The following ENTHD1 variants were observed in gnomAD, a reference collection of about 807,000 sequenced individuals.
ENTHD1 encodes ENTH domain-containing protein 1.
A neutral mutation model predicts 39.1 loss-of-function variants in ENTHD1; 23 were observed. The ratio of observed to expected loss-of-function variants is 0.59; its 90% CI spans 0.42 to 0.83. ENTHD1 has a LOEUF of 0.83. Among genes scored for constraint, ENTHD1 ranks in the 40% least tolerant of loss-of-function variants. The probability of loss-of-function intolerance (pLI) is 0.00; values close to 1 mark genes in which losing one functional copy is unlikely to be tolerated. For missense variants in ENTHD1, 624 were observed against 705.4 expected, an observed-to-expected ratio of 0.88 and a Z score of 1.31; for synonymous variants, 230 against 258.2, an observed-to-expected ratio of 0.89 and a Z score of 1.05.
At chr22:39,821,179 T>C in intron 4 of ENTHD1, 66 bp from the exon 5 acceptor site, 3 of 1,569,440 alleles carry the variant, frequency 1.9e-6, no homozygotes, top group Non-Finnish European at 2.6e-6. Flanking sequence ...GGACAATTTA[T>C]TGAGCTACAA....
intron 3 of ENTHD1, among the ~76,000 whole-genome samples, chr22:39,837,902 T>C (rs1303605550): frequency 6.6e-6 from 1 of 152,216 alleles, no homozygotes; most frequent in African/African-American, 2.4e-5. Context: ...TGTTTATACA[T>C]TTATTTGAAT....
rs779609865 is a variant in ENTHD1, at chr22:39,843,051, G to A, written c.593-7093C>T. On this transcript the variant is annotated intron_variant, in intron 3 of 6. Transcript: ENST00000325157. Reference sequence around the variant, plus strand: ...TTCAACCATGGTGGAAGTCAGTGTGGCAATTCCTCAGGGATCTAGAACTAG... The same window carrying A: ...TTCAACCATGGTGGAAGTCAGTGTGACAATTCCTCAGGGATCTAGAACTAG... Among the ~76,000 whole-genome samples, 852 of 151,972 alleles carry A rather than the reference G, an allele frequency of 5.6e-3. 2 individuals carry two copies. The highest frequency in any genetic ancestry group is 9.0e-3 in the Non-Finnish European group (610 of 67,880).
In ENTHD1 at chr22:39,824,547, TAA is replaced by T. The variant is rs762378049; in HGVS notation, c.712-3436_712-3435del. Among the ~76,000 whole-genome samples the T allele has an allele frequency of 2.6e-5, 4 of 152,178 alleles. No homozygotes were observed. The East Asian group carries it at 7.7e-4, about 29-fold the overall frequency. On this transcript the variant is annotated intron_variant, in intron 4 of 6. Coordinates refer to ENST00000325157, the MANE Select transcript of ENTHD1 (RefSeq NM_152512.4). ...TCAAAGATTTTTCTCCTGTATTTTCTAAAAGTTTTATAGTTTACATTTAAGTC... is the reference window on the plus strand; with the variant it reads ...TCAAAGATTTTTCTCCTGTATTTTCTAAGTTTTATAGTTTACATTTAAGTC...
intron 5 of ENTHD1, among the ~76,000 whole-genome samples, chr22:39,769,465 AT>A (rs929431487): frequency 1.1e-4 from 16 of 152,134 alleles, no homozygotes; most frequent in African/African-American, 3.9e-4. Flanking sequence ...AAGGTGGAAT[AT>A]TTTTTCAATA....
At chr22:39,855,152 G>A (rs574237587) in intron 3 of ENTHD1, among the ~76,000 whole-genome samples, 4 of 152,242 alleles carry the variant, frequency 2.6e-5, no homozygotes, top group African/African-American at 9.6e-5. Flanking sequence ...TCTACACAAA[G>A]CAATAAGAAT....
In ENTHD1 at chr22:39,887,743, C is replaced by T. The variant is rs143322957; in HGVS notation, c.6G>A (p.Ala2=). 29 of 1,557,408 alleles carry T rather than the reference C, an allele frequency of 1.9e-5. No homozygotes were observed. The highest frequency in any genetic ancestry group is 1.5e-4 in the South Asian group (12 of 80,466). M[A]FRRQVKNFVK... ...CAAAGTTTTTCACTTGTCTCCTGAA[C>T]GCCATAAGTAATACAAGTTCCAAGG... Residue 2 remains alanine (A), a synonymous_variant, in exon 2 of 7, where the codon GCG becomes GCA. Coordinates refer to ENST00000325157, the MANE Select transcript of ENTHD1 (RefSeq NM_152512.4).
chr22:39,872,885 A>C (rs2066255577), intron 2 of ENTHD1, among the ~76,000 whole-genome samples: 1 of 151,286 alleles, frequency 6.6e-6, no homozygotes, highest in Admixed American at 6.6e-5. Context: ...GGTAGAGTGC[A>C]GTGGCACAAT....
intron 6 of ENTHD1, among the ~76,000 whole-genome samples, chr22:39,764,480 C>A (rs1160701259): frequency 6.6e-6 from 1 of 151,978 alleles, no homozygotes; most frequent in Non-Finnish European, 1.5e-5. Flanking sequence ...AAAATAAATA[C>A]ATTTAAAAAG....
rs757993183 is a variant in ENTHD1, at chr22:39,861,714, T to A, written c.592+51A>T. 8.9e-6 allele frequency: 12 copies of A among 1,343,622 alleles called. No individual in the cohort carries two copies. The South Asian group carries it at 1.7e-4, about 19-fold the overall frequency. 83.2% of individuals were successfully genotyped at this position (1,343,622 alleles called of 1,614,324 possible). A position where few individuals can be genotyped will look rare whatever the true frequency, so the allele number is the denominator to read the frequency against. On this transcript the variant is annotated intron_variant, in intron 3 of 6. Transcript: ENST00000325157. ...AAACATAATATTTTATATTTTTAAA[T>A]CATTTTTAATGATACCTGTTGCATT... is the stretch of plus-strand genomic sequence containing the variant.
chr22:39,818,235 C>T (rs192517847), intron 5 of ENTHD1, among the ~76,000 whole-genome samples: 1 of 152,280 alleles, frequency 6.6e-6, no homozygotes, highest in East Asian at 1.9e-4. Context: ...GGCCTCCAGC[C>T]GATAGCCAGC....
intron 5 of ENTHD1, among the ~76,000 whole-genome samples, chr22:39,776,085 G>A (rs1405757042): frequency 6.6e-6 from 1 of 151,880 alleles, no homozygotes; most frequent in Non-Finnish European, 1.5e-5. Flanking sequence ...GTAGAGACGA[G>A]CTCTTGCTAT....
At chr22:39,870,536 A>T (rs1178049458) in intron 2 of ENTHD1, among the ~76,000 whole-genome samples, 1 of 152,220 alleles carries the variant, frequency 6.6e-6, no homozygotes, top group Non-Finnish European at 1.5e-5. Context: ...ATCTCCAAAG[A>T]CGAAGTAAGA....
chr22:39,765,648 A>G (rs751170109), intron 5 of ENTHD1, 39 bp from the exon 6 acceptor site: 2 of 1,511,488 alleles, frequency 1.3e-6, no homozygotes, highest in South Asian at 2.5e-5. Context: ...CAAAAAATAA[A>G]ACTGAAAATA....
intron 3 of ENTHD1, among the ~76,000 whole-genome samples, chr22:39,843,517 G>A (rs1012743959): frequency 1.7e-4 from 26 of 151,642 alleles, no homozygotes; most frequent in Non-Finnish European, 2.4e-4. Flanking sequence ...GCTAGATGAC[G>A]AGTTAGTGGG....
chr22:39,868,350 TAAAA>T (rs535956120), intron 2 of ENTHD1, among the ~76,000 whole-genome samples: 1,866 of 126,574 alleles, frequency 0.015, 44 homozygotes, highest in African/African-American at 0.052. Flanking sequence ...TTTATTTTAT[TAAAA>T]AAAAAAAAAA....
chr22:39,795,604 T>C (rs982863088), intron 5 of ENTHD1, among the ~76,000 whole-genome samples: 50 of 151,798 alleles, frequency 3.3e-4, no homozygotes, highest in African/African-American at 1.2e-3. Flanking sequence ...ATTTTTTTTT[T>C]TTTTTTAAGA....
chr22:39,853,783 C>T (rs1387804132), intron 3 of ENTHD1, among the ~76,000 whole-genome samples: 2 of 152,018 alleles, frequency 1.3e-5, no homozygotes, highest in Non-Finnish European at 2.9e-5. Flanking sequence ...CCATGTTGGC[C>T]GGGCTGGTCT....
chr22:39,795,452 G>C (rs966903555), intron 5 of ENTHD1, among the ~76,000 whole-genome samples: 2 of 151,652 alleles, frequency 1.3e-5, no homozygotes, highest in African/African-American at 4.8e-5. Context: ...TTGGGACAAG[G>C]TCTCACTTTG....
At chr22:39,797,985 C>G (rs956575916) in intron 5 of ENTHD1, among the ~76,000 whole-genome samples, 1 of 152,086 alleles carries the variant, frequency 6.6e-6, no homozygotes, top group Non-Finnish European at 1.5e-5. Flanking sequence ...TCTTAATAGA[C>G]TTAGAAAGTT....
Sources: gnomAD v4.1 joint callset for allele counts (sites outside exome capture counted in the v4.1 genomes callset) on GRCh38, gnomAD v4.1.1 for gene constraint, MANE v1.5 for transcripts, NCBI Gene and HGNC (gene_info 2026-07-23, HGNC 2026-07-21) for gene names.